The following MTFR1L variants were observed in gnomAD, a reference collection of about 807,000 sequenced individuals.
The protein encoded by MTFR1L is mitochondrial fission regulator 1-like.
Under a neutral mutation model 27.9 loss-of-function variants are expected in MTFR1L, and 10 were observed. That is an observed-to-expected ratio of 0.36 (90% CI 0.22 to 0.61). MTFR1L has a LOEUF of 0.61. Among genes scored for constraint, MTFR1L ranks in the 20% least tolerant of loss-of-function variants. The pLI, the probability that MTFR1L is intolerant of heterozygous loss-of-function variation, is 0.73. For missense variants in MTFR1L, 315 were observed against 363.7 expected, an observed-to-expected ratio of 0.87 and a Z score of 1.09; for synonymous variants, 151 against 139.4, an observed-to-expected ratio of 1.08 and a Z score of -0.58.
intron 6 of MTFR1L, 104 bp downstream of exon 6, chr1:25,829,934 T>C (rs1314948556): frequency 8.1e-6 from 9 of 1,116,748 alleles, no homozygotes; most frequent in Non-Finnish European, 1.1e-5. Context: ...TAGTACCATA[T>C]GTTATGTCAT....
intron 5 of MTFR1L, among the ~76,000 whole-genome samples, chr1:25,827,607 A>AT (rs748842584): frequency 2.6e-5 from 4 of 151,950 alleles, no homozygotes; most frequent in African/African-American, 9.7e-5. Context: ...CACCTGGCTA[A>AT]TTTTTTTATT....
chr1:25,824,035 A>C (rs1011582604), intron 3 of MTFR1L, among the ~76,000 whole-genome samples: 4 of 152,098 alleles, frequency 2.6e-5, no homozygotes, highest in African/African-American at 9.7e-5. Context: ...CCATGTAGCC[A>C]GTATTTTTAT....
At chr1:25,828,111 T>C (rs1480405692) in intron 5 of MTFR1L, among the ~76,000 whole-genome samples, 1 of 152,214 alleles carries the variant, frequency 6.6e-6, no homozygotes, top group Admixed American at 6.5e-5. Context: ...TGCCTTGTTG[T>C]TTCTACCAGG....
intron 6 of MTFR1L, among the ~76,000 whole-genome samples, chr1:25,831,581 T>C (rs1299107788): frequency 6.6e-6 from 1 of 152,254 alleles, no homozygotes; most frequent in Non-Finnish European, 1.5e-5. Flanking sequence ...GGCAGAAGCT[T>C]AGCCACCAGA....
At position 25,825,301 on chromosome 1, in the gene MTFR1L, C is replaced by T. The variant is rs2048153682; in HGVS notation, c.130-1001C>T. Among the ~76,000 whole-genome samples the T allele has an allele frequency of 2.0e-5, 3 of 152,096 alleles. No homozygotes were observed. The East Asian group carries it at 5.8e-4, about 29-fold the overall frequency. On this transcript the variant is annotated intron_variant, in intron 3 of 6. Coordinates refer to ENST00000374303, the MANE Select transcript of MTFR1L (RefSeq NM_001099625.2). Reference sequence around the variant, plus strand: ...TACCTTAAATATTATTTAAGGGACTCTTACCAATTTATTTTGAAAATTTAA... The same window carrying T: ...TACCTTAAATATTATTTAAGGGACTTTTACCAATTTATTTTGAAAATTTAA...
At chr1:25,823,939 G>T (rs942404447) in intron 3 of MTFR1L, among the ~76,000 whole-genome samples, 191 bp downstream of exon 3, 4 of 152,184 alleles carry the variant, frequency 2.6e-5, no homozygotes, top group African/African-American at 9.7e-5. Context: ...TGACCACAAG[G>T]AACCTGACAG....
chr1:25,830,496 G>C (rs901367012), intron 6 of MTFR1L, among the ~76,000 whole-genome samples: 3 of 152,150 alleles, frequency 2.0e-5, no homozygotes, highest in African/African-American at 7.2e-5. Context: ...ACTTCATCTG[G>C]CAAAGAAGCC....
In MTFR1L at chr1:25,820,634, C is replaced by T. The variant is rs544240457; in HGVS notation, c.-87+605C>T. ...GCCTGTCAGCAGACAGCAACTGCAG[C>T]CTCCGGAGGGCTGCGGGGCGCAGAG... On this transcript the variant is annotated intron_variant, in intron 1 of 6. Coordinates refer to ENST00000374303, the MANE Select transcript of MTFR1L (RefSeq NM_001099625.2). 8 of 412,366 alleles carry T rather than the reference C, an allele frequency of 1.9e-5. No homozygotes were observed. The Admixed American group carries it at 2.0e-4, about 10-fold the overall frequency. The allele number at this position is 412,366 out of a possible 1,614,324, so 25.5% of individuals were successfully genotyped here.
chr1:25,824,706 T>G (rs923540111), intron 3 of MTFR1L, among the ~76,000 whole-genome samples: 36 of 152,036 alleles, frequency 2.4e-4, no homozygotes, highest in African/African-American at 8.2e-4. Context: ...GTATTCAGAT[T>G]GCCAGCTATC....
chr1:25,832,154 T>C lies in MTFR1L; in HGVS notation c.*128T>C. 1 of 1,567,972 alleles carries C rather than the reference T, an allele frequency of 6.4e-7. No individual in the cohort carries two copies. The highest frequency in any genetic ancestry group is 1.1e-5 in the South Asian group (1 of 87,420). On this transcript the variant is annotated 3_prime_UTR_variant, in exon 7 of 7. Transcript: ENST00000374303. Reference sequence around the variant, plus strand: ...AACAGTCTTGCTGACAAGCTAGAGCTTGGACTGAAAGAGAAGAGCTGGATT... The same window carrying C: ...AACAGTCTTGCTGACAAGCTAGAGCCTGGACTGAAAGAGAAGAGCTGGATT...
intron 3 of MTFR1L, among the ~76,000 whole-genome samples, chr1:25,825,304 A>G (rs1018354739): frequency 2.0e-5 from 3 of 152,180 alleles, no homozygotes; most frequent in Admixed American, 2.0e-4. Flanking sequence ...AGGGACTCTT[A>G]CCAATTTATT....
chr1:25,820,994 G>GCCC (rs2048083891), intron 1 of MTFR1L: 1 of 291,800 alleles, frequency 3.4e-6, no homozygotes, highest in Non-Finnish European at 6.5e-6. Flanking sequence ...GTTTGATGCA[G>GCCC]GGCTCAGAGG....
In MTFR1L at chr1:25,829,718, G is replaced by C. The variant is rs1173219885; in HGVS notation, c.661G>C (p.Ala221Pro). 1 of 1,613,922 alleles carries C rather than the reference G, an allele frequency of 6.2e-7. No homozygotes were observed. The highest frequency in any genetic ancestry group is 1.3e-5 in the African/African-American group (1 of 74,928). ...PECCKPEHKA[A>P]CSSSEEDDCV... ...ATGTTGCAAACCAGAACACAAAGCTGCCTGCAGTTCGTCTGAAGAGGATGA... is the reference window on the plus strand; with the variant it reads ...ATGTTGCAAACCAGAACACAAAGCTCCCTGCAGTTCGTCTGAAGAGGATGA... The change falls in exon 6 of 7, where the codon GCC becomes CCC. Residue 221 changes from alanine (A) to proline (P), a missense_variant. By Grantham distance (27) the Ala-to-Pro change is conservative (BLOSUM62 -1). Transcript: ENST00000374303.
Position 25,829,645 on chromosome 1 carries a change from G to T in MTFR1L, c.588G>T (p.Glu196Asp), listed in dbSNP as rs758525094. The T allele has an allele frequency of 6.2e-7, 1 of 1,614,176 alleles. No individual in the cohort carries two copies. Among genetic ancestry groups the T allele is most frequent in the South Asian group, 1.1e-5 (1 of 91,080 alleles). Residue 196 changes from glutamate (E) to aspartate (D), a missense_variant, in exon 6 of 7, where the codon GAG becomes GAT. By Grantham distance (45) the Glu-to-Asp change is conservative (BLOSUM62 2). Coordinates refer to ENST00000374303, the MANE Select transcript of MTFR1L (RefSeq NM_001099625.2). ...ACATCACCGAGGAGACAGAGGTGGA[G>T]GTCCCTGAGCTTCCATCAGTCCCCC... The part of the protein sequence containing the change: ...ISDITEETEV[E>D]VPELPSVPLL...
chr1:25,823,053 C>T lies in MTFR1L; in HGVS notation c.-52C>T. 1 of 1,614,104 alleles carries T rather than the reference C, an allele frequency of 6.2e-7. No individual in the cohort carries two copies. Among genetic ancestry groups the T allele is most frequent in the Non-Finnish European group, 8.5e-7 (1 of 1,180,022 alleles). ...TATGAAGGAGTCACGCCTCCCGCCT[C>T]CCGGAGCTGCCCAGTGGCTGCCTTG... On this transcript the variant is annotated 5_prime_UTR_variant, in exon 2 of 7. Transcript: ENST00000374303.
intron 5 of MTFR1L, among the ~76,000 whole-genome samples, chr1:25,827,283 G>A (rs2048181171): frequency 6.6e-6 from 1 of 151,918 alleles, no homozygotes; most frequent in Non-Finnish European, 1.5e-5. Flanking sequence ...CTACAGGGGT[G>A]TGCCACCAGG....
In MTFR1L at chr1:25,826,351, C is replaced by T; in HGVS notation, c.179C>T (p.Pro60Leu). 6.2e-7 allele frequency: 1 copy of T among 1,614,218 alleles called. No individual in the cohort carries two copies. The highest frequency in any genetic ancestry group is 8.5e-7 in the Non-Finnish European group (1 of 1,180,044). The change falls in exon 4 of 7, where the codon CCT becomes CTT. Residue 60 changes from proline to leucine, a missense_variant. Pro to Leu is a moderately conservative substitution (Grantham distance 98). Coordinates refer to ENST00000374303, the MANE Select transcript of MTFR1L (RefSeq NM_001099625.2). This position sits in a 1 kb window ranked among gnomAD's most constrained non-coding sequence, Gnocchi z 4.1. ...TGTTTGAGAGATGTGCCCCCAGTCC[C>T]TACCCTGGCTGACATCGCCTGGATT... is the stretch of plus-strand genomic sequence containing the variant. Reference protein sequence around the residue: ...DLCLRDVPPVPTLADIAWIAA... With the variant: ...DLCLRDVPPVLTLADIAWIAA...
chr1:25,830,089 C>G (rs1156342989), intron 6 of MTFR1L, among the ~76,000 whole-genome samples: 1 of 152,208 alleles, frequency 6.6e-6, no homozygotes, highest in Non-Finnish European at 1.5e-5. Flanking sequence ...AATCCAACTT[C>G]TGTCCTCAGG....
intron 1 of MTFR1L, chr1:25,820,291 G>T (rs896258387): frequency 4.4e-6 from 2 of 455,920 alleles, no homozygotes; most frequent in Non-Finnish European, 8.8e-6. Flanking sequence ...TGACGGGCCG[G>T]GCTGCCCCGC....
Sources: gnomAD v4.1 joint callset for allele counts (sites outside exome capture counted in the v4.1 genomes callset) on GRCh38, gnomAD v4.1.1 for gene constraint, Gnocchi (gnomAD v3.1) non-coding constraint, MANE v1.5 for transcripts, NCBI Gene and HGNC (gene_info 2026-07-23, HGNC 2026-07-21) for gene names.